DNM3: variants seen among roughly 807,000 people sequenced by gnomAD.
The protein encoded by DNM3 is dynamin 3.
A neutral mutation model predicts 101.6 loss-of-function variants in DNM3; 47 were observed. The observed-to-expected ratio is 0.46, with a 90% CI of 0.37 to 0.59. The LOEUF is 0.59. Among genes scored for constraint, DNM3 ranks in the 20% least tolerant of loss-of-function variants. The probability of loss-of-function intolerance (pLI) is 0.00; values close to 1 mark genes in which losing one functional copy is unlikely to be tolerated. For missense variants in DNM3, 849 were observed against 1,085.7 expected (o/e 0.78, Z 3.06); for synonymous variants, 385 against 387.9 (o/e 0.99, Z 0.09).
chr1:172,034,698 C>G (rs2048837450), intron 6 of DNM3, among the ~76,000 whole-genome samples: 1 of 151,870 alleles, frequency 6.6e-6, no homozygotes. Flanking sequence ...AATTCTATGG[C>G]TATGTATGTG....
At position 172,252,163 on chromosome 1, in the gene DNM3, G is replaced by A. The variant is rs563150722; in HGVS notation, c.1660-1410G>A. Among the ~76,000 whole-genome samples the A allele has an allele frequency of 2.1e-4, 32 of 152,184 alleles. 1 individual carries two copies. Among genetic ancestry groups the A allele is most frequent in the Admixed American group, 1.1e-3 (17 of 15,254 alleles). On this transcript the variant is annotated intron_variant, in intron 14 of 20. Coordinates refer to ENST00000627582, the MANE Select transcript of DNM3 (RefSeq NM_015569.5). ...GTTTCTTCTTTTCTTTGGAGACATT[G>A]TCAGAACAGCTATTTTGTTCTCTAA...
At chr1:172,265,649 T>A (rs942617673) in intron 15 of DNM3, among the ~76,000 whole-genome samples, 1 of 152,176 alleles carries the variant, frequency 6.6e-6, no homozygotes, top group African/African-American at 2.4e-5. Context: ...CTCCTCCAGG[T>A]TTTTGTTCTA....
chr1:172,290,427 C>T (rs779477590), intron 15 of DNM3, among the ~76,000 whole-genome samples: 2 of 152,076 alleles, frequency 1.3e-5, no homozygotes, highest in Non-Finnish European at 2.9e-5. Context: ...AAGAAACATG[C>T]TTGGCATATT....
At chr1:172,330,230 T>C (rs779411485) in intron 17 of DNM3, among the ~76,000 whole-genome samples, 155 of 152,350 alleles carry the variant, frequency 1.0e-3, no homozygotes, top group Admixed American at 4.7e-3. Context: ...TAAAACAGCA[T>C]CAATATCCAT....
At chr1:172,282,231 C>T (rs2063518094) in intron 15 of DNM3, among the ~76,000 whole-genome samples, 2 of 152,174 alleles carry the variant, frequency 1.3e-5, no homozygotes, top group Non-Finnish European at 2.9e-5. Context: ...CTTTGATCTT[C>T]CTTTCTCAGT....
In DNM3 at chr1:172,172,792, C is replaced by T. The variant is rs116445403; in HGVS notation, c.1659+41504C>T. On this transcript the variant is annotated intron_variant, in intron 14 of 20. Transcript: ENST00000627582. Reference sequence around the variant, plus strand: ...AGTGAGTTATTGAAGCACTTCCCATCCCGAGTAGGCAGGACAGCATGTGTG... The same window carrying T: ...AGTGAGTTATTGAAGCACTTCCCATTCCGAGTAGGCAGGACAGCATGTGTG... 8.9e-3 allele frequency among the ~76,000 whole-genome samples: 1,346 copies of T among 151,866 alleles called. 17 individuals carry two copies. The highest frequency in any genetic ancestry group is 0.029 in the African/African-American group (1,207 of 41,502).
At chr1:171,879,940 G>T (rs895035136) in intron 1 of DNM3, among the ~76,000 whole-genome samples, 2 of 152,252 alleles carry the variant, frequency 1.3e-5, no homozygotes, top group Non-Finnish European at 2.9e-5. Flanking sequence ...TTTTATGGAA[G>T]TGGCGCTCAT....
intron 16 of DNM3, among the ~76,000 whole-genome samples, chr1:172,314,598 G>T (rs191995128): frequency 1.5e-3 from 235 of 152,336 alleles, no homozygotes; most frequent in African/African-American, 5.2e-3. Flanking sequence ...CCCGCACCTG[G>T]CTCAGAGGGT....
At chr1:171,986,912 T>C (rs958775494) in intron 2 of DNM3, among the ~76,000 whole-genome samples, 27 of 152,316 alleles carry the variant, frequency 1.8e-4, no homozygotes, top group African/African-American at 5.1e-4. Context: ...GTTTTTTACA[T>C]ACCTGATTTC....
At chr1:172,179,138 T>C (rs2059258182) in intron 14 of DNM3, among the ~76,000 whole-genome samples, 2 of 151,976 alleles carry the variant, frequency 1.3e-5, no homozygotes, top group South Asian at 4.1e-4. Context: ...ATGAAAAGCA[T>C]TCTCCTGCCT....
chr1:171,919,630 G>C (rs2039998081), intron 1 of DNM3, among the ~76,000 whole-genome samples: 1 of 152,108 alleles, frequency 6.6e-6, no homozygotes. Flanking sequence ...ACAAAACAAA[G>C]TAGATGCTTT....
At chr1:172,225,433 C>T (rs2061077673) in intron 14 of DNM3, among the ~76,000 whole-genome samples, 1 of 152,058 alleles carries the variant, frequency 6.6e-6, no homozygotes, top group East Asian at 1.9e-4. Flanking sequence ...CCGTACCCGA[C>T]CGTCCCTCCT....
chr1:172,268,358 G>C (rs1179514655), intron 15 of DNM3, among the ~76,000 whole-genome samples: 1 of 150,712 alleles, frequency 6.6e-6, no homozygotes, highest in Non-Finnish European at 1.5e-5. Context: ...TTTTGCGTTT[G>C]TTCTTTTCCT....
intron 14 of DNM3, among the ~76,000 whole-genome samples, chr1:172,164,365 C>G (rs1433182234): frequency 1.3e-5 from 2 of 151,260 alleles, no homozygotes; most frequent in Non-Finnish European, 3.0e-5. Flanking sequence ...TCAGAAATAC[C>G]CAAGTCCTCT....
chr1:172,397,505 TTAAG>T (rs2070111189), intron 20 of DNM3, among the ~76,000 whole-genome samples: 1 of 152,222 alleles, frequency 6.6e-6, no homozygotes, highest in Non-Finnish European at 1.5e-5. Context: ...ATTAGCTTAC[TTAAG>T]TGTTCTACAG....
At chr1:172,342,233 T>A (rs1306424271) in intron 17 of DNM3, among the ~76,000 whole-genome samples, 1 of 152,142 alleles carries the variant, frequency 6.6e-6, no homozygotes, top group East Asian at 1.9e-4. Context: ...GAATTACAAT[T>A]TGACCCAGCA....
chr1:172,292,287 C>T (rs993851895), intron 15 of DNM3, among the ~76,000 whole-genome samples: 5 of 152,156 alleles, frequency 3.3e-5, no homozygotes, highest in Non-Finnish European at 5.9e-5. Flanking sequence ...TTGCCTCAGG[C>T]AGTGTCACAT....
At chr1:171,869,360 T>A (rs186427881) in intron 1 of DNM3, among the ~76,000 whole-genome samples, 115 of 152,278 alleles carry the variant, frequency 7.6e-4, no homozygotes, top group African/African-American at 2.6e-3. Context: ...CCACATAGGA[T>A]CTTGGAAGAG....
chr1:171,976,903 G>A (rs763775021), intron 2 of DNM3, among the ~76,000 whole-genome samples: 1 of 152,100 alleles, frequency 6.6e-6, no homozygotes, highest in Non-Finnish European at 1.5e-5. Context: ...CCAAGATTCT[G>A]TGGGGAAACA....
Sources: allele counts gnomAD v4.1 joint callset (sites outside exome capture counted in the v4.1 genomes callset), GRCh38; gene constraint gnomAD v4.1.1; transcripts MANE v1.5; gene names NCBI Gene and HGNC (gene_info 2026-07-23, HGNC 2026-07-21).